The following TRABD2B variants were observed in gnomAD, a reference collection of about 807,000 sequenced individuals.
The protein encoded by TRABD2B is metalloprotease TIKI2.
TRABD2B carries 14 observed loss-of-function variants against 40.1 expected under a neutral mutation model. That is an observed-to-expected ratio of 0.35 (90% CI 0.23 to 0.55). The LOEUF (loss-of-function observed/expected upper bound fraction) is 0.55. TRABD2B is among the 20% of genes least tolerant of loss of function. TRABD2B has a pLI of 0.90. For missense variants in TRABD2B, 541 were observed against 648.6 expected, an observed-to-expected ratio of 0.83 and a Z score of 1.80; for synonymous variants, 263 against 277.0, an observed-to-expected ratio of 0.95 and a Z score of 0.50.
intron 2 of TRABD2B, among the ~76,000 whole-genome samples, chr1:47,806,880 G>T (rs965745440): frequency 6.6e-6 from 1 of 152,164 alleles, no homozygotes; most frequent in Non-Finnish European, 1.5e-5. Context: ...AGAGGGTTTA[G>T]AGTCAGGGTC....
intron 2 of TRABD2B, among the ~76,000 whole-genome samples, chr1:47,944,497 C>A (rs1645232555): frequency 6.6e-6 from 1 of 152,122 alleles, no homozygotes. Flanking sequence ...ACAGAAGAAG[C>A]ACAAGTAGGC....
intron 2 of TRABD2B, among the ~76,000 whole-genome samples, chr1:47,968,615 T>C (rs1645637145): frequency 6.6e-6 from 1 of 152,162 alleles, no homozygotes; most frequent in East Asian, 1.9e-4. Flanking sequence ...CCACTCACCA[T>C]GTATGAGCCC....
intron 2 of TRABD2B, among the ~76,000 whole-genome samples, chr1:47,887,905 G>A (rs1026511545): frequency 3.3e-5 from 5 of 152,148 alleles, no homozygotes; most frequent in Admixed American, 6.5e-5. Context: ...GATTTACAAC[G>A]TGAAATGTTT....
chr1:47,835,650 G>T (rs1289352011), intron 2 of TRABD2B, among the ~76,000 whole-genome samples: 1 of 152,172 alleles, frequency 6.6e-6, no homozygotes, highest in Non-Finnish European at 1.5e-5. Context: ...CGTCAATGAA[G>T]AATTCTATAT....
chr1:47,996,712 T>G lies in TRABD2B; in HGVS notation c.78A>C (p.Gly26=). 8.1e-7 allele frequency: 1 copy of G among 1,228,882 alleles called. No homozygotes were observed. The highest frequency in any genetic ancestry group is 1.0e-6 in the Non-Finnish European group (1 of 985,162). 76.1% of individuals were successfully genotyped at this position (1,228,882 alleles called of 1,614,324 possible). A position where few individuals can be genotyped will look rare whatever the true frequency, so the allele number is the denominator to read the frequency against. ...CCGATCCGGGCGGCCGGCACTGTCCTCCGTCCGGGGGCTGCGGGCGGGCGC... is the reference window on the plus strand; with the variant it reads ...CCGATCCGGGCGGCCGGCACTGTCCGCCGTCCGGGGGCTGCGGGCGGGCGC... ...TARARPQPPD[G]GQCRPPGSQR... Residue 26 remains glycine (G), a synonymous_variant, in exon 1 of 7, where the codon GGA becomes GGC. Transcript: ENST00000606738. This position sits in a 1 kb window ranked among gnomAD's most constrained non-coding sequence, Gnocchi z 4.6.
At position 47,996,847 on chromosome 1, in the gene TRABD2B, G is replaced by A; in HGVS notation, c.-58C>T. 1 of 1,160,788 alleles carries A rather than the reference G, an allele frequency of 8.6e-7. No homozygotes were observed. Among genetic ancestry groups the A allele is most frequent in the Admixed American group, 4.7e-5 (1 of 21,390 alleles). The allele number at this position is 1,160,788 out of a possible 1,614,324, so 71.9% of individuals were successfully genotyped here. On this transcript the variant is annotated 5_prime_UTR_variant, in exon 1 of 7. Transcript: ENST00000606738. The surrounding 1 kb of genome is among the most constrained non-coding windows in gnomAD (Gnocchi z 4.6). The stretch of plus-strand genomic sequence containing the variant: ...CCTGGGCGGCGCCCCTCAGCGGGGC[G>A]GGGAGCCCCCAGTTGGGCACGGAGT...
intron 2 of TRABD2B, among the ~76,000 whole-genome samples, chr1:47,984,430 C>T (rs1645888773): frequency 6.6e-6 from 1 of 152,240 alleles, no homozygotes; most frequent in African/African-American, 2.4e-5. Context: ...GCGGCTCGGG[C>T]CAAACGCGTC....
At chr1:47,920,526 G>C (rs980555767) in intron 2 of TRABD2B, among the ~76,000 whole-genome samples, 1 of 152,214 alleles carries the variant, frequency 6.6e-6, no homozygotes, top group African/African-American at 2.4e-5. Context: ...CTGGGTTGCT[G>C]CCTCTTTGGA....
intron 2 of TRABD2B, among the ~76,000 whole-genome samples, chr1:47,903,955 G>T (rs985833926): frequency 5.9e-5 from 9 of 152,288 alleles, no homozygotes; most frequent in African/African-American, 1.9e-4. Context: ...CCTGCTCTGA[G>T]GTGTCTCTCC....
intron 2 of TRABD2B, among the ~76,000 whole-genome samples, chr1:47,808,396 T>G (rs2124329901): frequency 6.6e-6 from 1 of 152,262 alleles, no homozygotes; most frequent in East Asian, 1.9e-4. Flanking sequence ...TCTGGAGAAC[T>G]AATACAGAAT....
At chr1:47,871,099 A>C (rs1043608037) in intron 2 of TRABD2B, among the ~76,000 whole-genome samples, 2 of 152,180 alleles carry the variant, frequency 1.3e-5, no homozygotes, top group Non-Finnish European at 2.9e-5. Flanking sequence ...GACTCTTCTT[A>C]ATCTTCACAA....
At chr1:47,941,621 A>C (rs1351485958) in intron 2 of TRABD2B, among the ~76,000 whole-genome samples, 1 of 152,218 alleles carries the variant, frequency 6.6e-6, no homozygotes, top group African/African-American at 2.4e-5. Flanking sequence ...CCAGGCTAGT[A>C]ATCACCTTGC....
intron 6 of TRABD2B, among the ~76,000 whole-genome samples, chr1:47,771,625 C>T (rs1000126100): frequency 4.6e-5 from 7 of 152,236 alleles, no homozygotes; most frequent in African/African-American, 9.6e-5. Flanking sequence ...ACAGGTCCCA[C>T]GCTGCACAGA....
At chr1:47,809,495 AC>A (rs1301055776) in intron 2 of TRABD2B, among the ~76,000 whole-genome samples, 1 of 152,074 alleles carries the variant, frequency 6.6e-6, no homozygotes, top group Non-Finnish European at 1.5e-5. Context: ...CGCCTGCTAG[AC>A]CCTGGGCCCA....
intron 2 of TRABD2B, among the ~76,000 whole-genome samples, chr1:47,899,577 T>C (rs553320519): frequency 6.6e-6 from 1 of 152,186 alleles, no homozygotes; most frequent in Non-Finnish European, 1.5e-5. Context: ...CAGTGAGAGA[T>C]GCAATCATTC....
chr1:47,928,060 G>A lies in TRABD2B; in HGVS notation c.666+65974C>T, dbSNP rs1644993137. ...ATCTGTATTTTAACAAGATCCTCAA[G>A]TGATCCGTGGGCACAGTAAAGTTTG... On this transcript the variant is annotated intron_variant, in intron 2 of 6. Coordinates refer to ENST00000606738, the MANE Select transcript of TRABD2B (RefSeq NM_001194986.2). Among the ~76,000 whole-genome samples the A allele has an allele frequency of 1.3e-5, 2 of 152,182 alleles. 1 individual carries two copies. The highest frequency in any genetic ancestry group is 4.1e-4 in the South Asian group (2 of 4,824).
chr1:47,899,553 A>G (rs1644570526), intron 2 of TRABD2B, among the ~76,000 whole-genome samples: 1 of 152,224 alleles, frequency 6.6e-6, no homozygotes, highest in Non-Finnish European at 1.5e-5. Flanking sequence ...CACTCTGCCC[A>G]TGAATCTTGG....
chr1:47,906,505 G>A (rs986176170), intron 2 of TRABD2B, among the ~76,000 whole-genome samples: 2 of 152,184 alleles, frequency 1.3e-5, no homozygotes, highest in African/African-American at 4.8e-5. Context: ...CAGTTTTGAG[G>A]TTGCCTTTCT....
intron 2 of TRABD2B, among the ~76,000 whole-genome samples, chr1:47,896,203 T>C (rs1644518691): frequency 6.6e-6 from 1 of 152,206 alleles, no homozygotes; most frequent in Admixed American, 6.5e-5. Context: ...ACGTCAGGGC[T>C]GCCGCACAAA....
Sources: allele counts gnomAD v4.1 joint callset (sites outside exome capture counted in the v4.1 genomes callset), GRCh38; gene constraint gnomAD v4.1.1; non-coding constraint Gnocchi (gnomAD v3.1); transcripts MANE v1.5; gene names NCBI Gene and HGNC (gene_info 2026-07-23, HGNC 2026-07-21).